THEM4: variants seen among roughly 807,000 people sequenced by gnomAD.
THEM4 encodes the protein acyl-coenzyme A thioesterase THEM4.
A neutral mutation model predicts 25.0 loss-of-function variants in THEM4; 22 were observed. That is an observed-to-expected ratio of 0.88 (90% CI 0.63 to 1.26). The LOEUF is 1.26. Among genes scored for constraint, THEM4 ranks in the 50% most tolerant of loss-of-function variants. The pLI, the probability that THEM4 is intolerant of heterozygous loss-of-function variation, is 0.00. For missense variants in THEM4, 286 were observed against 300.3 expected, an observed-to-expected ratio of 0.95 and a Z score of 0.35; for synonymous variants, 113 against 105.6, an observed-to-expected ratio of 1.07 and a Z score of -0.43.
Position 151,895,912 on chromosome 1 carries a change from T to A in THEM4, c.100-718A>T, listed in dbSNP as rs1199612270. Among the ~76,000 whole-genome samples, 9 of 152,190 alleles carry A rather than the reference T, an allele frequency of 5.9e-5. No homozygotes were observed. The South Asian group carries it at 1.7e-3, about 28-fold the overall frequency. ...GTGTATAGTACCTTGTGCCTTGCACTCTTGCTCTTGCTGTGTCCATGTGAA... is the reference window on the plus strand; with the variant it reads ...GTGTATAGTACCTTGTGCCTTGCACACTTGCTCTTGCTGTGTCCATGTGAA... On this transcript the variant is annotated intron_variant, in intron 1 of 5. Transcript: ENST00000368814.
intron 1 of THEM4, among the ~76,000 whole-genome samples, chr1:151,906,570 A>C (rs1654473535): frequency 6.6e-6 from 1 of 152,190 alleles, no homozygotes; most frequent in Non-Finnish European, 1.5e-5. Context: ...CCCCAGTGCG[A>C]GATCCACTGG....
At chr1:151,883,577 C>A (rs1335680662) in intron 4 of THEM4, among the ~76,000 whole-genome samples, 2 of 151,868 alleles carry the variant, frequency 1.3e-5, no homozygotes, top group African/African-American at 4.8e-5. Flanking sequence ...CAAAGCCAAA[C>A]CATATCAGAA....
chr1:151,888,192 C>A, intron 4 of THEM4, 81 bp downstream of exon 4: 1 of 1,110,868 alleles, frequency 9.0e-7, no homozygotes, highest in South Asian at 1.5e-5. Context: ...CACTTGAACA[C>A]AAATTATGGT....
intron 2 of THEM4, among the ~76,000 whole-genome samples, chr1:151,892,048 C>CA (rs1654106259): frequency 6.6e-6 from 1 of 151,998 alleles, no homozygotes; most frequent in South Asian, 2.1e-4. Flanking sequence ...TTTGGCCTCC[C>CA]AAAGTGTTGA....
chr1:151,878,544 A>C (rs956640247), intron 4 of THEM4, among the ~76,000 whole-genome samples: 1 of 152,246 alleles, frequency 6.6e-6, no homozygotes, highest in African/African-American at 2.4e-5. Context: ...ACTCAGCCAC[A>C]CCTGACTTCT....
chr1:151,894,466 T>A (rs1654173761), intron 2 of THEM4, among the ~76,000 whole-genome samples: 1 of 152,110 alleles, frequency 6.6e-6, no homozygotes, highest in Non-Finnish European at 1.5e-5. Flanking sequence ...GGGGAGGGGA[T>A]AAAGGGTATA....
chr1:151,894,769 C>A lies in THEM4; in HGVS notation c.286+239G>T, dbSNP rs188672470. ...TGGAAGCTCTCTGGGGCCCTTTCTT[C>A]ACTCTTGCTAATGGTGATAAGAATG... On this transcript the variant is annotated intron_variant, in intron 2 of 5. Transcript: ENST00000368814. The A allele has an allele frequency of 5.0e-6, 3 of 603,798 alleles. No individual in the cohort carries two copies. The Admixed American group carries it at 9.3e-5, about 19-fold the overall frequency. The allele number at this position is 603,798 out of a possible 1,614,324, so 37.4% of individuals were successfully genotyped here. A position where few individuals can be genotyped will look rare whatever the true frequency, so the allele number is the denominator to read the frequency against.
intron 4 of THEM4, 133 bp downstream of exon 4, chr1:151,888,140 C>T: frequency 1.6e-6 from 1 of 614,990 alleles, no homozygotes; most frequent in South Asian, 2.1e-5. Context: ...CTGCTTCTCC[C>T]ACTCCCTTGC....
At chr1:151,907,416 T>C (rs148050675) in intron 1 of THEM4, among the ~76,000 whole-genome samples, 1 of 152,220 alleles carries the variant, frequency 6.6e-6, no homozygotes, top group Non-Finnish European at 1.5e-5. Context: ...CCTGTCACAA[T>C]TTGATGAATT....
chr1:151,908,239 G>A (rs1307631672), intron 1 of THEM4, among the ~76,000 whole-genome samples: 3 of 152,238 alleles, frequency 2.0e-5, no homozygotes, highest in African/African-American at 4.8e-5. Context: ...AGTTTTGTGC[G>A]AAAGGATTTG....
Position 151,873,718 on chromosome 1 carries a change from CT to C in THEM4, c.*1169del, listed in dbSNP as rs1195504853. On this transcript the variant is annotated 3_prime_UTR_variant, in exon 6 of 6. Transcript: ENST00000368814. Reference sequence around the variant, plus strand: ...AGGAGACTTGGACACAGAGATAGATCTGCACAGAGGGAAGACACTGTGGAGA... The same window carrying C: ...AGGAGACTTGGACACAGAGATAGATCGCACAGAGGGAAGACACTGTGGAGA... 1.3e-5 allele frequency: 2 copies of C among 152,188 alleles called. No individual in the cohort carries two copies. Among genetic ancestry groups the C allele is most frequent in the African/African-American group, 4.8e-5 (2 of 41,444 alleles). The allele number at this position is 152,188 out of a possible 1,614,324, so 9.4% of individuals were successfully genotyped here. A position where few individuals can be genotyped will look rare whatever the true frequency, so the allele number is the denominator to read the frequency against.
chr1:151,907,406 C>T (rs1175249622), intron 1 of THEM4, among the ~76,000 whole-genome samples: 1 of 152,198 alleles, frequency 6.6e-6, no homozygotes, highest in Non-Finnish European at 1.5e-5. Context: ...GAATTATGCA[C>T]CTGTCACAAT....
At chr1:151,887,546 T>C (rs1421426350) in intron 4 of THEM4, among the ~76,000 whole-genome samples, 1 of 151,886 alleles carries the variant, frequency 6.6e-6, no homozygotes, top group Non-Finnish European at 1.5e-5. Flanking sequence ...CTACAAAACA[T>C]TGATGAAAAA....
intron 1 of THEM4, among the ~76,000 whole-genome samples, chr1:151,902,316 C>A (rs1402043842): frequency 6.6e-6 from 1 of 152,196 alleles, no homozygotes; most frequent in Non-Finnish European, 1.5e-5. Context: ...AAATGCCCAA[C>A]ACAAAATCGT....
chr1:151,889,333 C>A lies in THEM4; in HGVS notation c.327G>T (p.Gln109His). The A allele has an allele frequency of 1.9e-6, 3 of 1,614,020 alleles. No individual in the cohort carries two copies. Among genetic ancestry groups the A allele is most frequent in the Non-Finnish European group, 2.5e-6 (3 of 1,179,920 alleles). Residue 109 changes from glutamine to histidine, a missense_variant, in exon 3 of 6, where the codon CAG (glutamine) becomes CAT (histidine). Physicochemically the swap from Gln to His is conservative, Grantham distance 24. Coordinates refer to ENST00000368814, the MANE Select transcript of THEM4 (RefSeq NM_053055.5). ...LMKEEQMSQAQLFTRSFDDGL... is the reference protein window; with the variant it reads ...LMKEEQMSQAHLFTRSFDDGL... Reference sequence around the variant, plus strand: ...CATCATCAAAGCTTCTGGTGAAGAGCTGGGCCTGTGACATTTGTTCTTCTT... The same window carrying A: ...CATCATCAAAGCTTCTGGTGAAGAGATGGGCCTGTGACATTTGTTCTTCTT...
At chr1:151,900,307 A>G (rs1183018365) in intron 1 of THEM4, among the ~76,000 whole-genome samples, 1 of 152,204 alleles carries the variant, frequency 6.6e-6, no homozygotes, top group Non-Finnish European at 1.5e-5. Context: ...CAAAGAGTAC[A>G]ATGAACACAA....
In THEM4 at chr1:151,893,613, C is replaced by T. The variant is rs531397007; in HGVS notation, c.286+1395G>A. ...TCACTCACAGCAGGAAGAAGCAGAA[C>T]ATCAGGCACAGATGCAGGGGGGAGG... On this transcript the variant is annotated intron_variant, in intron 2 of 5. Transcript: ENST00000368814. Among the ~76,000 whole-genome samples, 4 of 152,118 alleles carry T rather than the reference C, an allele frequency of 2.6e-5. No individual in the cohort carries two copies. In the East Asian group the frequency reaches 5.8e-4, roughly 22 times the overall value.
intron 2 of THEM4, among the ~76,000 whole-genome samples, chr1:151,892,459 C>T (rs1654115988): frequency 6.6e-6 from 1 of 152,104 alleles, no homozygotes; most frequent in African/African-American, 2.4e-5. Flanking sequence ...GGGATAAGGA[C>T]AGTCAGTTGT....
At position 151,889,240 on chromosome 1, in the gene THEM4, T is replaced by C. The variant is rs1170501150; in HGVS notation, c.420A>G (p.Gly140=). Residue 140 remains glycine, a synonymous_variant, in exon 3 of 6, where the codon GGA becomes GGG. Coordinates refer to ENST00000368814, the MANE Select transcript of THEM4 (RefSeq NM_053055.5). ...CAGGTGGTCCTTCCAGGTAAGGGCCTCCTTGAAATAAGCAAACCATCCTTT... is the reference window on the plus strand; with the variant it reads ...CAGGTGGTCCTTCCAGGTAAGGGCCCCCTTGAAATAAGCAAACCATCCTTT... ...IEKRMVCLFQ[G]GPYLEGPPGF... is the part of the protein sequence containing the mutation. 2 of 1,612,944 alleles carry C rather than the reference T, an allele frequency of 1.2e-6. No individual in the cohort carries two copies. Among genetic ancestry groups the C allele is most frequent in the African/African-American group, 1.3e-5 (1 of 74,888 alleles).
Sources: gnomAD v4.1 joint callset for allele counts (sites outside exome capture counted in the v4.1 genomes callset) on GRCh38, gnomAD v4.1.1 for gene constraint, MANE v1.5 for transcripts, NCBI Gene and HGNC (gene_info 2026-07-23, HGNC 2026-07-21) for gene names.